USP45: variants seen among roughly 807,000 people sequenced by gnomAD.
USP45 encodes ubiquitin specific peptidase 45, also known as ubiquitin carboxyl-terminal hydrolase 45.
USP45 carries 89 observed loss-of-function variants against 95.8 expected under a neutral mutation model. The observed-to-expected ratio is 0.93, with a 90% CI of 0.78 to 1.11. USP45 has a LOEUF of 1.11. Among genes scored for constraint, USP45 ranks in the 50% least tolerant of loss-of-function variants. USP45 has a pLI of 0.00. For missense variants in USP45, 898 were observed against 942.5 expected (o/e 0.95, Z 0.62); for synonymous variants, 281 against 316.2 (o/e 0.89, Z 1.18).
upstream of USP45, among the ~76,000 whole-genome samples, chr6:99,516,980 A>C (rs1801156617): frequency 6.6e-6 from 1 of 152,210 alleles, no homozygotes; most frequent in South Asian, 2.1e-4. Flanking sequence ...TACAATACTT[A>C]AATTTTCTTG....
At chr6:99,485,609 G>C (rs1026697453) in intron 7 of USP45, among the ~76,000 whole-genome samples, 4 of 152,144 alleles carry the variant, frequency 2.6e-5, no homozygotes, top group Non-Finnish European at 5.9e-5. Flanking sequence ...TCCAGATGCT[G>C]GTAATGTTAC....
At chr6:99,483,922 T>A (rs1246219884) in intron 7 of USP45, among the ~76,000 whole-genome samples, 1 of 146,922 alleles carries the variant, frequency 6.8e-6, no homozygotes, top group African/African-American at 2.5e-5. Context: ...ATTCATGAAA[T>A]AACTGTTACA....
chr6:99,449,648 G>C lies in USP45; in HGVS notation c.1309-3185C>G, dbSNP rs550168421. Among the ~76,000 whole-genome samples, 270 of 83,196 alleles carry C rather than the reference G, an allele frequency of 3.2e-3. 1 individual carries two copies. Among genetic ancestry groups the C allele is most frequent in the African/African-American group, 7.1e-3 (204 of 28,814 alleles). The allele number at this position is 83,196 out of a possible 152,430, so 54.6% of individuals were successfully genotyped here. On this transcript the variant is annotated intron_variant, in intron 13 of 17. Transcript: ENST00000500704. ...ATGAGACAGAAAGTTAACAAGGATA[G>C]CCAGGAATTGAACTCAGCTCTGCAT...
chr6:99,506,521 CT>C (rs1376523279), intron 4 of USP45, among the ~76,000 whole-genome samples: 1 of 152,132 alleles, frequency 6.6e-6, no homozygotes, highest in East Asian at 1.9e-4. Flanking sequence ...ATTGGCCAGG[CT>C]GGTCTCAAAC....
chr6:99,472,170 C>G (rs143810751), intron 9 of USP45, among the ~76,000 whole-genome samples: 1 of 151,582 alleles, frequency 6.6e-6, no homozygotes, highest in African/African-American at 2.4e-5. Context: ...AGAAAAAAAA[C>G]CCCAAGACAT....
intron 7 of USP45, among the ~76,000 whole-genome samples, chr6:99,485,775 T>C (rs1249659714): frequency 1.3e-5 from 2 of 152,216 alleles, no homozygotes; most frequent in Admixed American, 6.5e-5. Context: ...TCCAGCAGCA[T>C]ATAAGCATAT....
At chr6:99,458,308 C>T (rs1291178763) in intron 13 of USP45, among the ~76,000 whole-genome samples, 4 of 152,000 alleles carry the variant, frequency 2.6e-5, no homozygotes, top group Non-Finnish European at 4.4e-5. Context: ...CGTGAGCCAC[C>T]GCACCCAGCC....
chr6:99,451,124 C>G (rs1294937068), intron 13 of USP45, among the ~76,000 whole-genome samples: 8 of 152,114 alleles, frequency 5.3e-5, no homozygotes, highest in Non-Finnish European at 8.8e-5. Context: ...AAAACTGGCA[C>G]AAGACAGGGA....
intron 5 of USP45, among the ~76,000 whole-genome samples, chr6:99,490,381 T>C (rs1258280320): frequency 1.3e-5 from 2 of 151,822 alleles, no homozygotes; most frequent in Admixed American, 1.3e-4. Context: ...GGTTTCACCA[T>C]GTTGGCCAGG....
chr6:99,433,482 AG>A lies in USP45; in HGVS notation c.*2233del, dbSNP rs1415086663. On this transcript the variant is annotated 3_prime_UTR_variant, in exon 18 of 18. Transcript: ENST00000500704. ...TTTGGAAATAATAACAAAAATTTTAAGGTAGACCCATGTGTAATTTAACATG... is the reference window on the plus strand; with the variant it reads ...TTTGGAAATAATAACAAAAATTTTAAGTAGACCCATGTGTAATTTAACATG... The A allele has an allele frequency of 1.3e-5, 2 of 152,608 alleles. No homozygotes were observed. The highest frequency in any genetic ancestry group is 2.9e-5 in the Non-Finnish European group (2 of 68,026). 9.5% of individuals were successfully genotyped at this position (152,608 alleles called of 1,614,324 possible).
At chr6:99,488,387 A>G (rs1280652107) in intron 6 of USP45, 92 bp from the exon 7 acceptor site, 9 of 839,572 alleles carry the variant, frequency 1.1e-5, no homozygotes, top group African/African-American at 3.5e-5. Flanking sequence ...TAGCATAGCA[A>G]AAGTGTCTAT....
intron 9 of USP45, among the ~76,000 whole-genome samples, chr6:99,474,385 A>T (rs1052144913): frequency 6.6e-6 from 1 of 152,166 alleles, no homozygotes; most frequent in Admixed American, 6.5e-5. Flanking sequence ...TTTAGTAGAC[A>T]CATGGTTTCA....
rs778618642 is a variant in USP45 at position 99,468,566 on chromosome 6, G to A, written c.986C>T (p.Ala329Val). 6.2e-7 allele frequency: 1 copy of A among 1,608,892 alleles called. No homozygotes were observed. Among genetic ancestry groups the A allele is most frequent in the South Asian group, 1.1e-5 (1 of 90,350 alleles). ...GACTTTTTTTCTAGTTTCATCATCA[G>A]CAGTTTTAGTAGTTGGGTTGTTAAA... ...KAFNNPTTKTADDETRKKVKA... is the reference protein window; with the variant it reads ...KAFNNPTTKTVDDETRKKVKA... Residue 329 changes from alanine (A) to valine (V), a missense_variant, in exon 10 of 18, where the codon GCT (alanine) becomes GTT (valine). Ala to Val is a moderately conservative substitution (Grantham distance 64, BLOSUM62 0). Coordinates refer to ENST00000500704, the MANE Select transcript of USP45 (RefSeq NM_001346022.3).
chr6:99,465,519 G>T (rs1319473342), intron 11 of USP45, among the ~76,000 whole-genome samples: 4 of 152,128 alleles, frequency 2.6e-5, no homozygotes, highest in Non-Finnish European at 5.9e-5. Flanking sequence ...AGAGAGCTTG[G>T]CTGTGTTTTA....
At chr6:99,486,052 C>T (rs753118276) in intron 7 of USP45, among the ~76,000 whole-genome samples, 13 of 152,116 alleles carry the variant, frequency 8.5e-5, no homozygotes, top group Non-Finnish European at 1.3e-4. Flanking sequence ...AATGTTTGTT[C>T]CCCTAATTTT....
intron 4 of USP45, among the ~76,000 whole-genome samples, chr6:99,505,312 A>C (rs1007135571): frequency 3.9e-5 from 6 of 152,136 alleles, no homozygotes; most frequent in Admixed American, 3.9e-4. Flanking sequence ...CTTTATCCTC[A>C]TGAGATCCAG....
At chr6:99,467,704 G>A (rs1174989050) in intron 10 of USP45, among the ~76,000 whole-genome samples, 1 of 151,934 alleles carries the variant, frequency 6.6e-6, no homozygotes, top group Non-Finnish European at 1.5e-5. Context: ...AAACATCCAC[G>A]AGATGGCACT....
intron 1 of USP45, among the ~76,000 whole-genome samples, chr6:99,513,377 A>G (rs1364969122): frequency 6.6e-6 from 1 of 152,086 alleles, no homozygotes; most frequent in Non-Finnish European, 1.5e-5. Context: ...CTTACCAAAA[A>G]CTGATCTAGT....
intron 13 of USP45, among the ~76,000 whole-genome samples, chr6:99,446,716 A>C (rs1408684947): frequency 1.3e-5 from 2 of 152,208 alleles, no homozygotes; most frequent in African/African-American, 4.8e-5. Flanking sequence ...TTTGTAGAAC[A>C]GGGCTATGAG....
Sources: gnomAD v4.1 joint callset for allele counts (sites outside exome capture counted in the v4.1 genomes callset) on GRCh38, gnomAD v4.1.1 for gene constraint, MANE v1.5 for transcripts, NCBI Gene and HGNC (gene_info 2026-07-23, HGNC 2026-07-21) for gene names.